The following CD96 variants were observed in gnomAD, a reference collection of about 807,000 sequenced individuals.
CD96 encodes the protein CD96 molecule, also known as T-cell surface protein tactile.
Under a neutral mutation model 71.3 loss-of-function variants are expected in CD96, and 70 were observed. That is an observed-to-expected ratio of 0.98 (90% CI 0.81 to 1.20). The LOEUF (loss-of-function observed/expected upper bound fraction) is 1.20, where lower values mean the gene tolerates loss of function less well. Among genes scored for constraint, CD96 ranks in the 50% most tolerant of loss-of-function variants. The pLI is 0.00. For synonymous variants in CD96, 248 were observed against 233.0 expected, an observed-to-expected ratio of 1.06 and a Z score of -0.59; for missense variants, 742 against 677.5, an observed-to-expected ratio of 1.10 and a Z score of -1.06.
chr3:111,550,482 T>C (rs1007951813), intron 2 of CD96, among the ~76,000 whole-genome samples: 1 of 151,826 alleles, frequency 6.6e-6, no homozygotes, highest in African/African-American at 2.4e-5. Context: ...AGGATCTAGT[T>C]GAAAAAGGGT....
At chr3:111,626,374 A>G (rs1938763057) in intron 10 of CD96, among the ~76,000 whole-genome samples, 2 of 151,828 alleles carry the variant, frequency 1.3e-5, no homozygotes, top group Non-Finnish European at 1.5e-5. Flanking sequence ...AATGAAGACT[A>G]GAATTAGAAA....
chr3:111,629,178 G>A (rs1399326412), intron 10 of CD96, among the ~76,000 whole-genome samples: 1 of 152,204 alleles, frequency 6.6e-6, no homozygotes, highest in Admixed American at 6.5e-5. Flanking sequence ...AATTTTAAAT[G>A]TAAATGGGCT....
intron 7 of CD96, among the ~76,000 whole-genome samples, chr3:111,603,752 T>A (rs1280904818): frequency 6.6e-6 from 1 of 152,182 alleles, no homozygotes. Context: ...TAGGTGTATG[T>A]GTGTGTAAGT....
At position 111,562,133 on chromosome 3, in the gene CD96, A is replaced by G. The variant is rs187079207; in HGVS notation, c.419-5390A>G. ...TGGCGCTCCCTAGTGAGATGAACCC[A>G]GTACCTCAGATGGAAATGCAGAAAT... is the stretch of plus-strand genomic sequence containing the variant. On this transcript the variant is annotated intron_variant, in intron 2 of 13. Transcript: ENST00000352690. Among the ~76,000 whole-genome samples, 38 of 152,290 alleles carry G rather than the reference A, an allele frequency of 2.5e-4. No individual in the cohort carries two copies. In the South Asian group the frequency reaches 4.4e-3, roughly 17 times the overall value.
At chr3:111,595,131 C>T (rs1041651280) in intron 5 of CD96, 2 of 166,000 alleles carry the variant, frequency 1.2e-5, no homozygotes, top group Non-Finnish European at 2.9e-5. Flanking sequence ...TGCTCTTTAC[C>T]TCATTTTAAA....
intron 4 of CD96, 112 bp from the exon 5 acceptor site, chr3:111,585,211 A>G (rs1936650777): frequency 2.6e-6 from 1 of 380,886 alleles, no homozygotes; most frequent in African/African-American, 2.2e-5. Flanking sequence ...TAATTTATAA[A>G]TATTAATATT....
intron 3 of CD96, among the ~76,000 whole-genome samples, chr3:111,576,434 T>C (rs1936224955): frequency 6.6e-6 from 1 of 152,220 alleles, no homozygotes; most frequent in South Asian, 2.1e-4. Flanking sequence ...CCCTGTAATC[T>C]ACAACTCACA....
At chr3:111,587,250 T>A (rs909730124) in intron 5 of CD96, among the ~76,000 whole-genome samples, 7 of 152,206 alleles carry the variant, frequency 4.6e-5, no homozygotes, top group Non-Finnish European at 7.4e-5. Flanking sequence ...TTGCAGGGTA[T>A]AACTCCCCTC....
chr3:111,657,739 T>A (rs982596988), intron 14 of CD96, among the ~76,000 whole-genome samples: 14 of 141,062 alleles, frequency 9.9e-5, no homozygotes, highest in Non-Finnish European at 1.7e-4. Flanking sequence ...GGAGTCAAAT[T>A]GGCAGTATCA....
chr3:111,623,791 G>A lies in CD96; in HGVS notation c.1218G>A (p.Val406=), dbSNP rs764486226. Residue 406 remains valine, a synonymous_variant, in exon 9 of 14, where the codon GTG becomes GTA. Transcript: ENST00000352690. ...PATSSVTLVD[V]SALRPNTTPQ... The stretch of plus-strand genomic sequence containing the variant: ...CATCTTCAGTGACCCTTGTAGATGT[G>A]AGTGCCTTGAGGCCAAACACCACTC... 5.0e-6 allele frequency: 8 copies of A among 1,612,540 alleles called. No homozygotes were observed. Among genetic ancestry groups the A allele is most frequent in the Non-Finnish European group, 6.8e-6 (8 of 1,178,578 alleles).
chr3:111,542,379 A>G, intron 1 of CD96, 70 bp downstream of exon 1: 1 of 714,964 alleles, frequency 1.4e-6, no homozygotes, highest in South Asian at 1.6e-5. Context: ...CTGTTCATTT[A>G]AAATGCCTTG....
chr3:111,663,140 T>C (rs1940396650), intron 14 of CD96, among the ~76,000 whole-genome samples: 1 of 152,114 alleles, frequency 6.6e-6, no homozygotes, highest in African/African-American at 2.4e-5. Flanking sequence ...AAGGAGGAAG[T>C]CCTACACCCT....
At chr3:111,626,603 T>C (rs886103413) in intron 10 of CD96, among the ~76,000 whole-genome samples, 1 of 152,150 alleles carries the variant, frequency 6.6e-6, no homozygotes, top group African/African-American at 2.4e-5. Flanking sequence ...CCAAAATTAG[T>C]ACATCTATGC....
At chr3:111,654,938 C>G (rs16858399), downstream of CD96, among the ~76,000 whole-genome samples, 1,145 of 152,352 alleles carry the variant, frequency 7.5e-3, 17 homozygotes, top group African/African-American at 0.026. Context: ...TAGTGGACCT[C>G]ATATCCTGAG....
chr3:111,551,136 G>C (rs868241459), intron 2 of CD96, among the ~76,000 whole-genome samples: 7 of 152,186 alleles, frequency 4.6e-5, no homozygotes, highest in Non-Finnish European at 7.4e-5. Flanking sequence ...TTGGAGAACA[G>C]TTGAAATGAA....
intron 14 of CD96, among the ~76,000 whole-genome samples, chr3:111,659,854 T>C (rs1940314035): frequency 6.6e-6 from 1 of 152,112 alleles, no homozygotes; most frequent in Non-Finnish European, 1.5e-5. Flanking sequence ...CCTCAACAGA[T>C]TAGGCATCAA....
At chr3:111,645,104 A>G (rs1169430875) in intron 12 of CD96, among the ~76,000 whole-genome samples, 1 of 152,174 alleles carries the variant, frequency 6.6e-6, no homozygotes, top group Non-Finnish European at 1.5e-5. Context: ...AAATCGTGGA[A>G]CCAACCCAAA....
At chr3:111,588,865 T>A (rs1464724647) in intron 5 of CD96, among the ~76,000 whole-genome samples, 1 of 152,176 alleles carries the variant, frequency 6.6e-6, no homozygotes, top group African/African-American at 2.4e-5. Context: ...AATTTCTAAG[T>A]GTATTAGTGA....
At chr3:111,597,715 C>T (rs1452040121) in intron 5 of CD96, among the ~76,000 whole-genome samples, 1 of 152,060 alleles carries the variant, frequency 6.6e-6, no homozygotes, top group African/African-American at 2.4e-5. Context: ...CTTGTAGATC[C>T]CCTTGAGCTT....
Sources: gnomAD v4.1 joint callset for allele counts (sites outside exome capture counted in the v4.1 genomes callset) on GRCh38, gnomAD v4.1.1 for gene constraint, MANE v1.5 for transcripts, NCBI Gene and HGNC (gene_info 2026-07-23, HGNC 2026-07-21) for gene names.